Variants in PECR observed in about 807,000 individuals in gnomAD.
The protein encoded by PECR is peroxisomal trans-2-enoyl-CoA reductase.
In PECR, 30 loss-of-function variants were observed where a neutral mutation model predicts 35.3. That is an observed-to-expected ratio of 0.85 (90% CI 0.64 to 1.15). The LOEUF (loss-of-function observed/expected upper bound fraction) is 1.15, where lower values mean the gene tolerates loss of function less well. Among genes scored for constraint, PECR ranks in the 50% most tolerant of loss-of-function variants. The pLI, the probability that PECR is intolerant of heterozygous loss-of-function variation, is 0.00. For missense variants in PECR, 392 were observed against 370.8 expected, an observed-to-expected ratio of 1.06 and a Z score of -0.47; for synonymous variants, 148 against 138.9, an observed-to-expected ratio of 1.07 and a Z score of -0.46.
At chr2:216,074,296 A>T (rs1485242424) in intron 1 of PECR, among the ~76,000 whole-genome samples, 1 of 152,092 alleles carries the variant, frequency 6.6e-6, no homozygotes, top group Non-Finnish European at 1.5e-5. Context: ...AATACAAAAA[A>T]ATTAGCTGAG....
intron 1 of PECR, among the ~76,000 whole-genome samples, chr2:216,081,316 A>G (rs759170018): frequency 1.3e-5 from 2 of 152,224 alleles, no homozygotes; most frequent in Admixed American, 1.3e-4. Flanking sequence ...GAATGGATTA[A>G]TTTTAAATCT....
intron 4 of PECR, among the ~76,000 whole-genome samples, chr2:216,057,339 A>C (rs768467573): frequency 2.1e-4 from 32 of 152,190 alleles, no homozygotes; most frequent in Non-Finnish European, 4.3e-4. Context: ...ATGGTTTATA[A>C]AAGTGGCATA....
At chr2:216,058,749 CAAATA>C (rs1424869749) in intron 4 of PECR, 141 bp downstream of exon 4, 3 of 603,744 alleles carry the variant, frequency 5.0e-6, no homozygotes, top group Non-Finnish European at 8.9e-6. Flanking sequence ...ATTTTAAGTT[CAAATA>C]AAATAAAATG....
chr2:216,068,699 G>C (rs993986284), intron 1 of PECR, among the ~76,000 whole-genome samples: 1 of 151,960 alleles, frequency 6.6e-6, no homozygotes, highest in Non-Finnish European at 1.5e-5. Context: ...GTGTGCAGTG[G>C]CGATCTTGGC....
At chr2:216,031,469 AAGAAAG>A (rs1559203884) in intron 7 of PECR, among the ~76,000 whole-genome samples, 1 of 126,580 alleles carries the variant, frequency 7.9e-6, no homozygotes, top group Admixed American at 9.1e-5. Flanking sequence ...GAAAGAAAGA[AAGAAAG>A]AGAAAGAAAG....
chr2:216,040,547 C>T (rs13014316), intron 7 of PECR, among the ~76,000 whole-genome samples: 66,703 of 151,982 alleles, frequency 0.44, 16,218 homozygotes, highest in Non-Finnish European at 0.52. Context: ...AGCCATGGTG[C>T]CCAGCCCCTG....
intron 6 of PECR, 77 bp downstream of exon 6, chr2:216,049,186 C>T: frequency 2.5e-6 from 2 of 799,358 alleles, no homozygotes; most frequent in South Asian, 2.7e-5. Flanking sequence ...GTCCAGACCG[C>T]ATAAAAATGA....
intron 5 of PECR, 129 bp downstream of exon 5, chr2:216,051,320 A>G: frequency 1.6e-6 from 1 of 634,014 alleles, no homozygotes; most frequent in Non-Finnish European, 2.8e-6. Flanking sequence ...TAGGCTTTCC[A>G]TTTTATCTAT....
chr2:216,037,080 CCT>C (rs1491085363), downstream of PECR, among the ~76,000 whole-genome samples: 2 of 147,712 alleles, frequency 1.4e-5, no homozygotes, highest in Admixed American at 1.3e-4. Context: ...ATGTCTGACT[CCT>C]AGCATAATGC....
At chr2:216,068,155 A>T (rs546869803) in intron 1 of PECR, among the ~76,000 whole-genome samples, 2 of 139,048 alleles carry the variant, frequency 1.4e-5, no homozygotes, top group East Asian at 4.7e-4. Context: ...TGAACCCGGG[A>T]GGCAGATGTT....
intron 4 of PECR, among the ~76,000 whole-genome samples, chr2:216,053,725 ATTTGTGTAATT>A (rs1382000742): frequency 3.3e-5 from 5 of 152,070 alleles, no homozygotes; most frequent in African/African-American, 1.2e-4. Context: ...CTCAACCTAT[ATTTGTGTAATT>A]TTTCTTTTTC....
intron 7 of PECR, among the ~76,000 whole-genome samples, chr2:216,030,948 TCTCTCTCTCACACACACACACA>T (rs1404796934): frequency 1.0e-5 from 1 of 97,396 alleles, no homozygotes; most frequent in East Asian, 2.5e-4. Flanking sequence ...TCTCTCTCTC[TCTCTCTCTCACACACACACACA>T]CACACACACA....
At chr2:216,063,447 G>A (rs1338853686) in intron 3 of PECR, among the ~76,000 whole-genome samples, 1 of 151,856 alleles carries the variant, frequency 6.6e-6, no homozygotes, top group Non-Finnish European at 1.5e-5. Flanking sequence ...GTGAAACCCC[G>A]TCTCTACTAA....
chr2:216,045,987 G>C (rs565134484), intron 6 of PECR, among the ~76,000 whole-genome samples: 1 of 152,064 alleles, frequency 6.6e-6, no homozygotes, highest in African/African-American at 2.4e-5. Context: ...AACCAGCATG[G>C]CCAGCTTAGT....
chr2:216,074,921 C>A (rs1236197216), intron 1 of PECR, among the ~76,000 whole-genome samples: 1 of 152,110 alleles, frequency 6.6e-6, no homozygotes, highest in African/African-American at 2.4e-5. Flanking sequence ...TTATTACAGA[C>A]CCACACAATG....
At chr2:216,065,667 C>T (rs564856805) in intron 2 of PECR, among the ~76,000 whole-genome samples, 190 bp from the exon 3 acceptor site, 1 of 152,168 alleles carries the variant, frequency 6.6e-6, no homozygotes, top group Admixed American at 6.5e-5. Context: ...TGTACCAGCA[C>T]CCAATACCCA....
In PECR at chr2:216,081,501, C is replaced by T. The variant is rs988785514; in HGVS notation, c.124+117G>A. On this transcript the variant is annotated intron_variant, in intron 1 of 7. Coordinates refer to ENST00000265322, the MANE Select transcript of PECR (RefSeq NM_018441.6). ...GTCGTAATTTCGCCCACACCTGCCC[C>T]GTCTTTGCTCTGCAGCTCCACACTC... 4.6e-6 allele frequency: 6 copies of T among 1,298,834 alleles called. No homozygotes were observed. In the African/African-American group the frequency reaches 5.8e-5, roughly 13 times the overall value. The allele number at this position is 1,298,834 out of a possible 1,614,324, so 80.5% of individuals were successfully genotyped here. A position where few individuals can be genotyped will look rare whatever the true frequency, so the allele number is the denominator to read the frequency against.
chr2:216,069,554 G>A (rs1010555753), intron 1 of PECR, among the ~76,000 whole-genome samples: 2 of 152,138 alleles, frequency 1.3e-5, no homozygotes, highest in Admixed American at 1.3e-4. Context: ...TCTTACTGAA[G>A]GCAAACTTAA....
At chr2:216,070,155 A>G (rs1029592204) in intron 1 of PECR, among the ~76,000 whole-genome samples, 21 of 152,232 alleles carry the variant, frequency 1.4e-4, no homozygotes, top group African/African-American at 5.1e-4. Context: ...TTTAATTTTC[A>G]ATACTGAGGT....
Sources: gnomAD v4.1 joint callset for allele counts (sites outside exome capture counted in the v4.1 genomes callset) on GRCh38, gnomAD v4.1.1 for gene constraint, MANE v1.5 for transcripts, NCBI Gene and HGNC (gene_info 2026-07-23, HGNC 2026-07-21) for gene names.